Variants in CAPN2 observed in about 807,000 individuals in gnomAD.
CAPN2 encodes calpain-2 catalytic subunit.
In CAPN2, 92 loss-of-function variants were observed where a neutral mutation model predicts 102.3. The ratio of observed to expected loss-of-function variants is 0.90; its 90% CI spans 0.76 to 1.07. The LOEUF is 1.07. Ranked by LOEUF, CAPN2 falls within the 50% of genes least tolerant of loss-of-function variation. The pLI, the probability that CAPN2 is intolerant of heterozygous loss-of-function variation, is 0.00. For missense variants in CAPN2, 800 were observed against 909.4 expected, an observed-to-expected ratio of 0.88 and a Z score of 1.55; for synonymous variants, 340 against 355.4, an observed-to-expected ratio of 0.96 and a Z score of 0.49.
chr1:223,774,508 T>C (rs1428541129), intron 20 of CAPN2, among the ~76,000 whole-genome samples: 1 of 152,158 alleles, frequency 6.6e-6, no homozygotes, highest in Non-Finnish European at 1.5e-5. Flanking sequence ...TGCAGGGATA[T>C]CCACATCCCA....
intron 2 of CAPN2, among the ~76,000 whole-genome samples, chr1:223,719,309 G>A (rs1406180033): frequency 6.6e-6 from 1 of 152,158 alleles, no homozygotes; most frequent in Non-Finnish European, 1.5e-5. Context: ...GGCCGAGGCA[G>A]GCAGATCACC....
At chr1:223,710,366 G>A (rs1659702919), upstream of CAPN2, among the ~76,000 whole-genome samples, 1 of 152,034 alleles carries the variant, frequency 6.6e-6, no homozygotes, top group Admixed American at 6.6e-5. Flanking sequence ...TCTAAACCAG[G>A]GTTTCTCAGC....
At chr1:223,750,396 A>G (rs181919113) in intron 6 of CAPN2, among the ~76,000 whole-genome samples, 153 of 152,300 alleles carry the variant, frequency 1.0e-3, no homozygotes, top group African/African-American at 3.4e-3. Flanking sequence ...CACCTAAGAA[A>G]ATAACATTAA....
intron 20 of CAPN2, 90 bp from the exon 21 acceptor site, chr1:223,774,744 C>CAA (rs1444943891): frequency 3.9e-5 from 46 of 1,165,470 alleles, no homozygotes; most frequent in Non-Finnish European, 5.8e-5. Context: ...TTTTCCAGTA[C>CAA]AAGTTTTTTG....
At chr1:223,767,393 T>C (rs1661365723) in intron 16 of CAPN2, among the ~76,000 whole-genome samples, 2 of 127,702 alleles carry the variant, frequency 1.6e-5, no homozygotes, top group South Asian at 2.6e-4. Context: ...CCTGTGTCCA[T>C]GTGTTCTCAT....
chr1:223,725,639 A>G lies in CAPN2; in HGVS notation c.307+7808A>G, dbSNP rs760684919. 5.9e-5 allele frequency among the ~76,000 whole-genome samples: 9 copies of G among 152,086 alleles called. No homozygotes were observed. The highest frequency in any genetic ancestry group is 1.2e-4 in the Non-Finnish European group (8 of 68,008). The stretch of plus-strand genomic sequence containing the variant: ...TAGCACTTGACATTGGCGGCCACCT[A>G]AGTTTTGGAGAGGGGTATGACAGAG... On this transcript the variant is annotated intron_variant, in intron 2 of 20. Transcript: ENST00000295006. This position sits in a 1 kb window ranked among gnomAD's most constrained non-coding sequence, Gnocchi z 4.1.
At chr1:223,719,815 T>C (rs889864649) in intron 2 of CAPN2, among the ~76,000 whole-genome samples, 6 of 151,026 alleles carry the variant, frequency 4.0e-5, no homozygotes, top group East Asian at 1.9e-4. Context: ...CGTGTGTGTG[T>C]GTGTGTGTGT....
At chr1:223,707,023 T>C (rs1659619807) in intron 1 of CAPN2, among the ~76,000 whole-genome samples, 1 of 145,256 alleles carries the variant, frequency 6.9e-6, no homozygotes, top group African/African-American at 2.6e-5. Flanking sequence ...GAGGTTGCAG[T>C]GAGCCGAGAT....
intron 1 of CAPN2, among the ~76,000 whole-genome samples, chr1:223,704,596 C>T (rs557744626): frequency 6.6e-6 from 1 of 152,074 alleles, no homozygotes; most frequent in Non-Finnish European, 1.5e-5. Flanking sequence ...CACTGAGTCA[C>T]GGTCCGTGTG....
chr1:223,719,405 G>C (rs1571782272), intron 2 of CAPN2, among the ~76,000 whole-genome samples: 1 of 152,112 alleles, frequency 6.6e-6, no homozygotes, highest in Non-Finnish European at 1.5e-5. Flanking sequence ...TGGACGTGGT[G>C]GTGGGTGCCT....
intron 2 of CAPN2, among the ~76,000 whole-genome samples, chr1:223,729,858 C>T (rs547275407): frequency 5.9e-5 from 9 of 152,062 alleles, no homozygotes; most frequent in African/African-American, 2.2e-4. Context: ...CAAAAATTAA[C>T]TGGGCATGGC....
intron 6 of CAPN2, chr1:223,749,514 ACTGCC>A (rs376124310): frequency 2.5e-4 from 53 of 212,564 alleles, no homozygotes; most frequent in Middle Eastern, 1.7e-3. Context: ...TTCAAATCTG[ACTGCC>A]TCTTACCAGC....
At chr1:223,709,515 CCAGGCATGGTGG>C (rs1368369090), upstream of CAPN2, among the ~76,000 whole-genome samples, 1 of 152,034 alleles carries the variant, frequency 6.6e-6, no homozygotes, top group Non-Finnish European at 1.5e-5. Flanking sequence ...ACAAAATTAG[CCAGGCATGGTGG>C]CAGGCACCTG....
At chr1:223,753,810 G>A (rs2102804736) in intron 9 of CAPN2, among the ~76,000 whole-genome samples, 1 of 152,258 alleles carries the variant, frequency 6.6e-6, no homozygotes, top group African/African-American at 2.4e-5. Context: ...CAGCCTATGT[G>A]TATAAATTAT....
intron 1 of CAPN2, among the ~76,000 whole-genome samples, chr1:223,714,324 TTCATTTAC>T (rs1477460760): frequency 1.3e-5 from 2 of 152,222 alleles, no homozygotes; most frequent in African/African-American, 4.8e-5. Flanking sequence ...CATTCATTCA[TTCATTTAC>T]TCACTCATTT....
chr1:223,712,553 C>T lies in CAPN2; in HGVS notation c.-88C>T, dbSNP rs1287272954. 5 of 1,289,398 alleles carry T rather than the reference C, an allele frequency of 3.9e-6. No homozygotes were observed. The Admixed American group carries it at 1.7e-4, about 44-fold the overall frequency. 79.9% of individuals were successfully genotyped at this position (1,289,398 alleles called of 1,614,324 possible). On this transcript the variant is annotated 5_prime_UTR_variant, in exon 1 of 21. Transcript: ENST00000295006. ...GCGGCGCCCGCAGTGGCCGCAGCAG[C>T]GCGCCGGGCCCTGGCCGCGCCCCAG...
intron 16 of CAPN2, among the ~76,000 whole-genome samples, chr1:223,768,910 G>T (rs906283845): frequency 9.2e-5 from 14 of 152,038 alleles, no homozygotes; most frequent in Admixed American, 3.3e-4. Context: ...CACATCCCTT[G>T]TAAGTTGGAT....
At position 223,759,530 on chromosome 1, in the gene CAPN2, A is replaced by C; in HGVS notation, c.1529+49A>C. 6.6e-7 allele frequency: 1 copy of C among 1,525,192 alleles called. No homozygotes were observed. Among genetic ancestry groups the C allele is most frequent in the Non-Finnish European group, 9.1e-7 (1 of 1,104,472 alleles). 94.5% of individuals were successfully genotyped at this position (1,525,192 alleles called of 1,614,324 possible). On this transcript the variant is annotated intron_variant, in intron 12 of 20. Transcript: ENST00000295006. The surrounding 1 kb of genome is among the most constrained non-coding windows in gnomAD (Gnocchi z 4.6). ...TCCCCACCCTTCCCTGTCCCTCCCC[A>C]CTGGTCTGTTCCTCGGCCCCTAGAG...
rs116615619 is a variant in CAPN2, at chr1:223,725,879, G to T, written c.307+8048G>T. 3.9e-5 allele frequency among the ~76,000 whole-genome samples: 6 copies of T among 152,160 alleles called. No individual in the cohort carries two copies. The highest frequency in any genetic ancestry group is 5.9e-5 in the Non-Finnish European group (4 of 68,038). ...CATAAGTTTCCACTCACCCATCTGC[G>T]AAATGGGAACAATGACGATGTTTGC... On this transcript the variant is annotated intron_variant, in intron 2 of 20. Coordinates refer to ENST00000295006, the MANE Select transcript of CAPN2 (RefSeq NM_001748.5). This position sits in a 1 kb window ranked among gnomAD's most constrained non-coding sequence, Gnocchi z 4.1.
Sources: allele counts gnomAD v4.1 joint callset (sites outside exome capture counted in the v4.1 genomes callset), GRCh38; gene constraint gnomAD v4.1.1; non-coding constraint Gnocchi (gnomAD v3.1); transcripts MANE v1.5; gene names NCBI Gene and HGNC (gene_info 2026-07-23, HGNC 2026-07-21).